The following CSMD1 variants were observed in gnomAD, a reference collection of about 807,000 sequenced individuals.
CSMD1 encodes the protein CUB and Sushi multiple domains 1.
A neutral mutation model predicts 417.5 loss-of-function variants in CSMD1; 213 were observed. The ratio of observed to expected loss-of-function variants is 0.51; its 90% CI spans 0.46 to 0.57. CSMD1 has a LOEUF of 0.57. Ranked by LOEUF, CSMD1 falls within the 20% of genes least tolerant of loss-of-function variation. The pLI, the probability that CSMD1 is intolerant of heterozygous loss-of-function variation, is 0.00. For synonymous variants in CSMD1, 2,862 were observed against 1,736.8 expected (o/e 1.65, Z -16.11); for missense variants, 6,923 against 4,529.7 (o/e 1.53, Z -15.17).
intron 3 of CSMD1, among the ~76,000 whole-genome samples, chr8:4,057,092 A>C (rs552281815): frequency 1.5e-4 from 23 of 152,294 alleles, no homozygotes; most frequent in Middle Eastern, 3.4e-3. Context: ...GTAGTTCTAG[A>C]TCCCTGAGGA....
rs1025767427 is a variant in CSMD1 at position 3,559,161 on chromosome 8, A to T, written c.1344+15784T>A. On this transcript the variant is annotated intron_variant, in intron 10 of 69. Transcript: ENST00000635120. ...TGTGTACCCTGTGGCAGGAACTTCC[A>T]TGAGCTCTCTTTTAGCATATGGTAT... Among the ~76,000 whole-genome samples the T allele has an allele frequency of 5.9e-5, 9 of 152,354 alleles. No homozygotes were observed. In the East Asian group the frequency reaches 1.7e-3, roughly 29 times the overall value.
At chr8:3,532,423 T>C in intron 10 of CSMD1, among the ~76,000 whole-genome samples, 1 of 152,166 alleles carries the variant, frequency 6.6e-6, no homozygotes, top group East Asian at 1.9e-4. Flanking sequence ...GATGGACTTG[T>C]GGCAACTCTC....
intron 21 of CSMD1, among the ~76,000 whole-genome samples, chr8:3,352,975 G>A (rs898597684): frequency 2.0e-5 from 3 of 152,256 alleles, no homozygotes; most frequent in Admixed American, 1.3e-4. Flanking sequence ...AGAAAACTGA[G>A]GCACAATGAC....
chr8:4,475,452 G>C (rs920063297), intron 2 of CSMD1, among the ~76,000 whole-genome samples: 2 of 152,044 alleles, frequency 1.3e-5, no homozygotes, highest in Non-Finnish European at 1.5e-5. Context: ...TCATATGGAA[G>C]GCAACCCCAT....
chr8:4,314,954 A>G (rs544645175), intron 3 of CSMD1, among the ~76,000 whole-genome samples: 2 of 152,306 alleles, frequency 1.3e-5, no homozygotes, highest in South Asian at 4.1e-4. Context: ...GACATTCTAC[A>G]TGGTGGGAGG....
chr8:3,977,458 C>T (rs1813523260), intron 5 of CSMD1, among the ~76,000 whole-genome samples: 1 of 151,992 alleles, frequency 6.6e-6, no homozygotes, highest in South Asian at 2.1e-4. Flanking sequence ...TTTTGGATGG[C>T]ATTGGTGCGA....
At chr8:3,102,705 G>C (rs935534104) in intron 46 of CSMD1, among the ~76,000 whole-genome samples, 4 of 152,174 alleles carry the variant, frequency 2.6e-5, no homozygotes, top group Non-Finnish European at 5.9e-5. Flanking sequence ...GAGTGTTTCA[G>C]TTACATATTA....
intron 40 of CSMD1, among the ~76,000 whole-genome samples, chr8:3,144,796 G>T (rs1356455040): frequency 3.3e-5 from 4 of 120,962 alleles, no homozygotes; most frequent in Non-Finnish European, 6.8e-5. Flanking sequence ...AGGCAACAAG[G>T]GGGGGGGGGA....
At chr8:3,392,224 T>C (rs1811392098) in intron 17 of CSMD1, among the ~76,000 whole-genome samples, 1 of 151,986 alleles carries the variant, frequency 6.6e-6, no homozygotes, top group Non-Finnish European at 1.5e-5. Flanking sequence ...ACCTGCACGT[T>C]GTCACATGTA....
At chr8:4,333,877 AT>A (rs1045703550) in intron 3 of CSMD1, among the ~76,000 whole-genome samples, 9 of 151,858 alleles carry the variant, frequency 5.9e-5, no homozygotes, top group Non-Finnish European at 7.4e-5. Flanking sequence ...TTCTAATACA[AT>A]TTTTCCCCTT....
chr8:4,311,254 G>A (rs1261094987), intron 3 of CSMD1, among the ~76,000 whole-genome samples: 1 of 152,104 alleles, frequency 6.6e-6, no homozygotes, highest in African/African-American at 2.4e-5. Context: ...CAACCTAAAT[G>A]TCCATCAATG....
chr8:4,843,258 T>C (rs1306789925), intron 1 of CSMD1, among the ~76,000 whole-genome samples: 2 of 152,158 alleles, frequency 1.3e-5, no homozygotes, highest in African/African-American at 2.4e-5. Context: ...GATGTCTCCC[T>C]AACCAAAAAC....
chr8:4,162,426 AAAT>A (rs1187946104), intron 3 of CSMD1, among the ~76,000 whole-genome samples: 2 of 152,184 alleles, frequency 1.3e-5, no homozygotes, highest in Non-Finnish European at 2.9e-5. Context: ...GTAACTGATA[AAAT>A]AATAAACAGA....
At chr8:3,965,207 G>A (rs145109206) in intron 5 of CSMD1, among the ~76,000 whole-genome samples, 1 of 152,160 alleles carries the variant, frequency 6.6e-6, no homozygotes, top group Non-Finnish European at 1.5e-5. Context: ...AAGGGCGGAA[G>A]GAGGGGCTGA....
At position 4,633,453 on chromosome 8, in the gene CSMD1, G is replaced by C. The variant is rs538563009; in HGVS notation, c.302+3889C>G. On this transcript the variant is annotated intron_variant, in intron 2 of 69. Coordinates refer to ENST00000635120, the MANE Select transcript of CSMD1 (RefSeq NM_033225.6). ...TTTAGTAGAGATGGGGTTTCACCGT[G>C]TTAGCCAGGATGGTCTCGATCTACT... Among the ~76,000 whole-genome samples the C allele has an allele frequency of 1.3e-3, 205 of 151,956 alleles. 1 individual carries two copies. The highest frequency in any genetic ancestry group is 4.6e-3 in the African/African-American group (189 of 41,460).
intron 6 of CSMD1, among the ~76,000 whole-genome samples, chr8:3,725,991 G>A (rs920328157): frequency 6.6e-6 from 1 of 152,162 alleles, no homozygotes; most frequent in African/African-American, 2.4e-5. Flanking sequence ...TGTGACTACG[G>A]AGACCGGGTC....
At chr8:4,122,291 G>A (rs1436815776) in intron 3 of CSMD1, among the ~76,000 whole-genome samples, 1 of 152,064 alleles carries the variant, frequency 6.6e-6, no homozygotes, top group Non-Finnish European at 1.5e-5. Context: ...TAGATTTGCT[G>A]GTCATAAGAC....
chr8:4,944,385 A>C (rs1255438572), intron 1 of CSMD1, among the ~76,000 whole-genome samples: 1 of 152,200 alleles, frequency 6.6e-6, no homozygotes, highest in Non-Finnish European at 1.5e-5. Context: ...AATGCTCAAC[A>C]CACTATTCAG....
intron 3 of CSMD1, among the ~76,000 whole-genome samples, chr8:4,405,393 T>A (rs928562941): frequency 2.0e-5 from 3 of 152,174 alleles, no homozygotes; most frequent in Non-Finnish European, 2.9e-5. Flanking sequence ...ACTTGTTACC[T>A]GCGTGAACAT....
Sources: allele counts gnomAD v4.1 joint callset (sites outside exome capture counted in the v4.1 genomes callset), GRCh38; gene constraint gnomAD v4.1.1; transcripts MANE v1.5; gene names NCBI Gene and HGNC (gene_info 2026-07-23, HGNC 2026-07-21).